RARB: variants seen among roughly 807,000 people sequenced by gnomAD.
RARB encodes the protein HBV-activated protein.
In RARB, 17 loss-of-function variants were observed where a neutral mutation model predicts 51.9. That is an observed-to-expected ratio of 0.33 (90% CI 0.22 to 0.49). The LOEUF (loss-of-function observed/expected upper bound fraction) is 0.49. RARB is among the 20% of genes least tolerant of loss of function. The pLI is 0.99. For synonymous variants in RARB, 215 were observed against 195.4 expected (o/e 1.10, Z -0.84); for missense variants, 369 against 550.8 (o/e 0.67, Z 3.30).
intron 2 of RARB, among the ~76,000 whole-genome samples, chr3:24,881,000 G>A (rs902971115): frequency 2.0e-5 from 3 of 152,192 alleles, no homozygotes; most frequent in Non-Finnish European, 2.9e-5. Context: ...TAATCCCTGT[G>A]TGTCAAGGGA....
chr3:25,567,886 A>G (rs1700562161), intron 3 of RARB, among the ~76,000 whole-genome samples: 1 of 152,148 alleles, frequency 6.6e-6, no homozygotes, highest in African/African-American at 2.4e-5. Flanking sequence ...CCCTCCCCTC[A>G]GCAGCCCAGA....
chr3:25,068,387 C>G (rs188381394), intron 3 of RARB, among the ~76,000 whole-genome samples: 11 of 151,908 alleles, frequency 7.2e-5, no homozygotes, highest in African/African-American at 2.7e-4. Context: ...CACCATACTT[C>G]TCCCATGACA....
chr3:25,396,073 C>G (rs915943484), intron 5 of RARB, among the ~76,000 whole-genome samples: 18 of 152,178 alleles, frequency 1.2e-4, no homozygotes, highest in African/African-American at 2.9e-4. Context: ...GGTGTTCTCC[C>G]CCTTCCCCTA....
chr3:24,966,744 GCAA>G (rs1696283608), intron 2 of RARB, among the ~76,000 whole-genome samples: 1 of 152,038 alleles, frequency 6.6e-6, no homozygotes, highest in African/African-American at 2.4e-5. Context: ...TTAAAGAACA[GCAA>G]CAACAAGATT....
At chr3:25,090,713 G>A (rs1189671542) in intron 3 of RARB, among the ~76,000 whole-genome samples, 1 of 152,068 alleles carries the variant, frequency 6.6e-6, no homozygotes, top group African/African-American at 2.4e-5. Flanking sequence ...GTACTAAGGA[G>A]ACAAAAATGC....
intron 5 of RARB, among the ~76,000 whole-genome samples, chr3:25,200,723 C>G (rs918520714): frequency 6.6e-6 from 1 of 151,884 alleles, no homozygotes; most frequent in African/African-American, 2.4e-5. Flanking sequence ...GCTTGTTTTT[C>G]TCAGGTTTGT....
At chr3:24,856,126 C>T (rs1702631225) in intron 1 of RARB, among the ~76,000 whole-genome samples, 1 of 152,148 alleles carries the variant, frequency 6.6e-6, no homozygotes, top group Admixed American at 6.5e-5. Flanking sequence ...TCATTCTTCT[C>T]ATATAAATGT....
intron 5 of RARB, among the ~76,000 whole-genome samples, chr3:25,182,143 G>C (rs2125357945): frequency 6.6e-6 from 1 of 152,302 alleles, no homozygotes; most frequent in African/African-American, 2.4e-5. Context: ...GATATGTGTT[G>C]CTAAAAGAAG....
At chr3:24,901,524 T>G (rs1371860800) in intron 2 of RARB, among the ~76,000 whole-genome samples, 1 of 152,218 alleles carries the variant, frequency 6.6e-6, no homozygotes, top group African/African-American at 2.4e-5. Context: ...TACAGACAAG[T>G]GCCACTGGGC....
intron 4 of RARB, among the ~76,000 whole-genome samples, chr3:25,172,894 C>T (rs1240438304): frequency 5.9e-5 from 9 of 151,710 alleles, no homozygotes; most frequent in Non-Finnish European, 1.5e-5. Context: ...TCTTATTTTA[C>T]AGGAAAAAAA....
At chr3:25,048,962 C>T (rs559923324) in intron 2 of RARB, among the ~76,000 whole-genome samples, 10 of 152,212 alleles carry the variant, frequency 6.6e-5, no homozygotes, top group Admixed American at 2.0e-4. Context: ...CCGTGTTAGC[C>T]AGGATGGTCT....
At chr3:25,319,275 A>G (rs1483838) in intron 5 of RARB, among the ~76,000 whole-genome samples, 86,960 of 151,956 alleles carry the variant, frequency 0.57, 25,238 homozygotes, top group East Asian at 0.88. Flanking sequence ...AGGTCCTCCC[A>G]GGATACAGTT....
chr3:25,356,794 T>C (rs1705753073), intron 5 of RARB, among the ~76,000 whole-genome samples: 1 of 152,190 alleles, frequency 6.6e-6, no homozygotes. Flanking sequence ...GTTAGTTTGC[T>C]GAGAATGATG....
At chr3:25,416,514 A>G (rs1378738399) in intron 5 of RARB, among the ~76,000 whole-genome samples, 1 of 152,220 alleles carries the variant, frequency 6.6e-6, no homozygotes, top group Non-Finnish European at 1.5e-5. Context: ...TTCAAAGCCA[A>G]TTCAATGGAT....
chr3:25,011,494 A>G (rs1697393707), intron 2 of RARB, among the ~76,000 whole-genome samples: 1 of 152,144 alleles, frequency 6.6e-6, no homozygotes, highest in African/African-American at 2.4e-5. Context: ...TTAGTTAGGA[A>G]TTAGGAATTA....
At chr3:25,011,336 A>T (rs1697389734) in intron 2 of RARB, among the ~76,000 whole-genome samples, 2 of 152,256 alleles carry the variant, frequency 1.3e-5, no homozygotes, top group South Asian at 4.2e-4. Context: ...CTCCACTGAG[A>T]AGGTGACGTG....
At chr3:24,937,202 C>T (rs1223736667) in intron 2 of RARB, among the ~76,000 whole-genome samples, 3 of 152,292 alleles carry the variant, frequency 2.0e-5, no homozygotes, top group East Asian at 3.9e-4. Context: ...CTTCTTTCTT[C>T]TCTTTATTTT....
chr3:24,861,880 C>G (rs531766005), intron 2 of RARB, among the ~76,000 whole-genome samples: 5 of 152,208 alleles, frequency 3.3e-5, no homozygotes, highest in African/African-American at 7.2e-5. Context: ...ACCACCAGGG[C>G]TCCCTGGATC....
rs77956978 is a variant in RARB, at chr3:24,908,095, C to T, written c.-380+49343C>T. On this transcript the variant is annotated intron_variant, in intron 2 of 11. Transcript: ENST00000383772. ...TCCTAGGACTATGTATGTATAAGTG[C>T]TGTACCAAGCATTATATCTGTATAG... Among the ~76,000 whole-genome samples, 1,099 of 152,126 alleles carry T rather than the reference C, an allele frequency of 7.2e-3. 14 individuals carry two copies. Among genetic ancestry groups the T allele is most frequent in the African/African-American group, 0.025 (1,048 of 41,486 alleles).
Sources: gnomAD v4.1 joint callset for allele counts (sites outside exome capture counted in the v4.1 genomes callset) on GRCh38, gnomAD v4.1.1 for gene constraint, MANE v1.5 for transcripts, NCBI Gene and HGNC (gene_info 2026-07-23, HGNC 2026-07-21) for gene names.